The following COL5A2 variants were observed in gnomAD, a reference collection of about 807,000 sequenced individuals.
COL5A2 encodes collagen alpha-2(V) chain.
COL5A2 carries 23 observed loss-of-function variants against 208.2 expected under a neutral mutation model. The observed-to-expected ratio is 0.11, with a 90% CI of 0.08 to 0.16. COL5A2 has a LOEUF of 0.16. Ranked by LOEUF, COL5A2 falls within the 10% of genes least tolerant of loss-of-function variation. The pLI is 1.00. For missense variants in COL5A2, 1,590 were observed against 1,956.4 expected, an observed-to-expected ratio of 0.81 and a Z score of 3.53; for synonymous variants, 625 against 628.5, an observed-to-expected ratio of 0.99 and a Z score of 0.08.
intron 14 of COL5A2, 116 bp downstream of exon 14, chr2:189,079,862 C>A: frequency 1.1e-6 from 1 of 875,758 alleles, no homozygotes; most frequent in Non-Finnish European, 1.9e-6. Flanking sequence ...TTTACCTAAC[C>A]ATTTGTTTGT....
chr2:189,057,891 C>T (rs1217742102), intron 33 of COL5A2, among the ~76,000 whole-genome samples: 1 of 152,172 alleles, frequency 6.6e-6, no homozygotes, highest in Non-Finnish European at 1.5e-5. Context: ...TCTCATGTCA[C>T]ATGACCATGA....
chr2:189,074,737 C>T (rs1193715945), intron 17 of COL5A2, among the ~76,000 whole-genome samples: 3 of 152,182 alleles, frequency 2.0e-5, no homozygotes, highest in East Asian at 1.9e-4. Flanking sequence ...CTGGGCCATG[C>T]CCATGAGAGT....
the COL5A2 span, among the ~76,000 whole-genome samples, chr2:189,338,838 C>T: frequency 6.6e-6 from 1 of 151,978 alleles, no homozygotes; most frequent in Admixed American, 6.6e-5. Context: ...CTCCTGACTC[C>T]TTAAGTGACT....
chr2:189,212,903 T>C (rs1049863988), intron 1 of COL5A2, among the ~76,000 whole-genome samples: 3 of 151,186 alleles, frequency 2.0e-5, no homozygotes, highest in Non-Finnish European at 4.4e-5. Flanking sequence ...ATATATATTT[T>C]TGGAGATGGA....
At chr2:189,347,028 C>T in the COL5A2 span, among the ~76,000 whole-genome samples, 1 of 152,188 alleles carries the variant, frequency 6.6e-6, no homozygotes, top group African/African-American at 2.4e-5. Context: ...CTTGTCTCCT[C>T]TTCCAATCCC....
rs745935107 is a variant in COL5A2 at position 189,034,201 on chromosome 2, C to T, written c.4369G>A (p.Val1457Met). 37 of 1,613,840 alleles carry T rather than the reference C, an allele frequency of 2.3e-5. No individual in the cohort carries two copies. Among genetic ancestry groups the T allele is most frequent in the Non-Finnish European group, 3.1e-5 (36 of 1,179,924 alleles). Residue 1457 changes from valine to methionine, a missense_variant, in exon 54 of 54, where the codon GTG becomes ATG. Val to Met is a conservative substitution (Grantham distance 21, BLOSUM62 1). Coordinates refer to ENST00000374866, the MANE Select transcript of COL5A2 (RefSeq NM_000393.5). ...CTATATTCAAAGACAGTCTTGCCCA[C>T]ATTTCCATTCCGCTTCTGAAATTAA... ...QDTCSKRNGN[V>M]GKTVFEYRTQ...
At chr2:189,398,678 G>A in the COL5A2 span, among the ~76,000 whole-genome samples, 4 of 151,998 alleles carry the variant, frequency 2.6e-5, no homozygotes, top group East Asian at 7.7e-4. Context: ...CTGAGTAGCA[G>A]AGCAAAATAT....
chr2:189,291,494 T>C, the COL5A2 span, among the ~76,000 whole-genome samples: 1 of 152,140 alleles, frequency 6.6e-6, no homozygotes, highest in Non-Finnish European at 1.5e-5. Flanking sequence ...ATAGTTGAAA[T>C]TGATTATTTC....
chr2:189,236,745 T>C, the COL5A2 span, among the ~76,000 whole-genome samples: 3 of 151,904 alleles, frequency 2.0e-5, no homozygotes, highest in African/African-American at 7.2e-5. Context: ...AAGCATTCTT[T>C]AAGTATTATG....
chr2:189,155,681 T>C (rs897865609), intron 1 of COL5A2, among the ~76,000 whole-genome samples: 1 of 152,142 alleles, frequency 6.6e-6, no homozygotes, highest in Non-Finnish European at 1.5e-5. Flanking sequence ...TTAAAATATA[T>C]ATTTTTGTTT....
chr2:189,142,718 C>G (rs568070561), intron 1 of COL5A2, among the ~76,000 whole-genome samples: 1 of 152,200 alleles, frequency 6.6e-6, no homozygotes, highest in Admixed American at 6.6e-5. Context: ...TTAAACATAG[C>G]TATCGAAACT....
chr2:189,156,510 G>C (rs1368748575), intron 1 of COL5A2, among the ~76,000 whole-genome samples: 1 of 151,998 alleles, frequency 6.6e-6, no homozygotes, highest in Non-Finnish European at 1.5e-5. Context: ...ATTATGCTCA[G>C]TTTACTGCTG....
chr2:189,294,460 C>A, the COL5A2 span, among the ~76,000 whole-genome samples: 20 of 149,468 alleles, frequency 1.3e-4, no homozygotes, highest in Non-Finnish European at 2.2e-4. Context: ...AAATCTGATA[C>A]CCCTTTTTAG....
chr2:189,182,689 A>G (rs1688796859), upstream of COL5A2, among the ~76,000 whole-genome samples: 1 of 152,114 alleles, frequency 6.6e-6, no homozygotes. Flanking sequence ...ATAAAAATCA[A>G]AGGTTCTTGT....
the COL5A2 span, among the ~76,000 whole-genome samples, chr2:189,280,346 T>C: frequency 6.6e-6 from 1 of 152,166 alleles, no homozygotes; most frequent in Non-Finnish European, 1.5e-5. Context: ...TTTAAACATT[T>C]TGCAGCATTT....
Position 189,046,670 on chromosome 2 carries a change from G to C in COL5A2, c.3202-763C>G, listed in dbSNP as rs1455325366. Among the ~76,000 whole-genome samples the C allele has an allele frequency of 2.0e-5, 3 of 152,068 alleles. No individual in the cohort carries two copies. In the East Asian group the frequency reaches 5.8e-4, roughly 29 times the overall value. On this transcript the variant is annotated intron_variant, in intron 45 of 53. Coordinates refer to ENST00000374866, the MANE Select transcript of COL5A2 (RefSeq NM_000393.5). ...ATGTCTAAACATAAATATTTGACTTGAAAAATTGAGTCAGACTGTATTTTC... is the reference window on the plus strand; with the variant it reads ...ATGTCTAAACATAAATATTTGACTTCAAAAATTGAGTCAGACTGTATTTTC...
intron 1 of COL5A2, among the ~76,000 whole-genome samples, chr2:189,160,393 T>C (rs891571346): frequency 4.6e-5 from 7 of 152,346 alleles, no homozygotes; most frequent in South Asian, 2.1e-4. Context: ...AGCCTTTCTA[T>C]ATCTTGGGCA....
At chr2:189,082,172 C>T (rs1686548128) in intron 12 of COL5A2, among the ~76,000 whole-genome samples, 1 of 152,188 alleles carries the variant, frequency 6.6e-6, no homozygotes, top group Non-Finnish European at 1.5e-5. Context: ...TGATCTTATA[C>T]AGATAAAAAA....
chr2:189,273,290 T>C, the COL5A2 span, among the ~76,000 whole-genome samples: 4 of 152,168 alleles, frequency 2.6e-5, no homozygotes, highest in South Asian at 8.3e-4. Flanking sequence ...TCAAATGCAC[T>C]TAAGAGGAAT....
Sources: gnomAD v4.1 joint callset for allele counts (sites outside exome capture counted in the v4.1 genomes callset) on GRCh38, gnomAD v4.1.1 for gene constraint, MANE v1.5 for transcripts, NCBI Gene and HGNC (gene_info 2026-07-23, HGNC 2026-07-21) for gene names.